ARMCX4: variants seen among roughly 807,000 people sequenced by gnomAD.
ARMCX4 encodes armadillo repeat containing X-linked 4, also known as armadillo repeat-containing X-linked protein 4.
ARMCX4 carries 3 observed loss-of-function variants against 34.7 expected under a neutral mutation model. That is an observed-to-expected ratio of 0.09 (90% CI 0.04 to 0.22). The LOEUF is 0.22. ARMCX4 is among the 10% of genes least tolerant of loss of function. The pLI is 1.00. For synonymous variants in ARMCX4, 513 were observed against 632.8 expected (o/e 0.81, Z 2.84); for missense variants, 1,448 against 1,720.8 (o/e 0.84, Z 2.81).
At chrX:101,485,374 G>C (rs1375585045), upstream of ARMCX4, 2 of 185,219 alleles carry the variant, frequency 1.1e-5, no homozygotes, top group Non-Finnish European at 1.7e-5. Flanking sequence ...GGGGTGCTGG[G>C]GAGGAGGGCG....
intron 2 of ARMCX4, among the ~76,000 whole-genome samples, chrX:101,443,307 A>G (rs1469426269): frequency 9.1e-6 from 1 of 110,492 alleles, no homozygotes; most frequent in Non-Finnish European, 1.9e-5. Flanking sequence ...TGTCCCTTCC[A>G]TCATGTGAAG....
intron 4 of ARMCX4, among the ~76,000 whole-genome samples, chrX:101,473,565 TCTC>T (rs1242309124): frequency 4.6e-5 from 5 of 108,884 alleles, no homozygotes; most frequent in African/African-American, 1.7e-4. Context: ...GAAGTAAAGC[TCTC>T]CTCAGCAAAT....
chrX:101,470,127 C>T, intron 4 of ARMCX4, among the ~76,000 whole-genome samples: 1 of 111,965 alleles, frequency 8.9e-6, no homozygotes, highest in Non-Finnish European at 1.9e-5. Context: ...CAAGAACTCT[C>T]CTGGGCTAAG....
intron 2 of ARMCX4, among the ~76,000 whole-genome samples, chrX:101,427,514 A>G (rs1929702611): frequency 9.0e-6 from 1 of 110,709 alleles, no homozygotes; most frequent in Non-Finnish European, 1.9e-5. Flanking sequence ...CGTAGCTGGG[A>G]CTACAGGTGC....
chrX:101,446,422 A>G (rs1931635060), downstream of ARMCX4, among the ~76,000 whole-genome samples: 1 of 111,766 alleles, frequency 8.9e-6, no homozygotes, highest in African/African-American at 3.3e-5. Flanking sequence ...GGGGCATAAA[A>G]TGGCAACTTC....
At chrX:101,454,761 A>G (rs1446559501) in intron 4 of ARMCX4, among the ~76,000 whole-genome samples, 3 of 111,668 alleles carry the variant, frequency 2.7e-5, no homozygotes, top group Admixed American at 1.9e-4. Flanking sequence ...ACAAAGTACT[A>G]TAGACTGGAT....
chrX:101,512,759 C>CAT (rs1556016623), intron 11 of ARMCX4, among the ~76,000 whole-genome samples: 2 of 104,389 alleles, frequency 1.9e-5, no homozygotes, highest in Non-Finnish European at 3.9e-5. Flanking sequence ...TGTATACATA[C>CAT]ATATATATAC....
chrX:101,455,687 G>T (rs1240583158), intron 4 of ARMCX4, among the ~76,000 whole-genome samples: 1 of 110,969 alleles, frequency 9.0e-6, no homozygotes, highest in South Asian at 3.8e-4. Flanking sequence ...TTTTAGTTTC[G>T]GGGGTACATG....
At chrX:101,478,489 G>A (rs1794399868) in intron 4 of ARMCX4, among the ~76,000 whole-genome samples, 1 of 111,771 alleles carries the variant, frequency 8.9e-6, no homozygotes, top group African/African-American at 3.2e-5. Flanking sequence ...ACCAAAGAAA[G>A]GGGCACATTC....
In ARMCX4 at chrX:101,494,868, T is replaced by C. The variant is rs1556011420; in HGVS notation, c.6279T>C (p.Asn2093=). 1.7e-6 allele frequency: 2 copies of C among 1,155,929 alleles called. No individual in the cohort carries two copies. Among genetic ancestry groups the C allele is most frequent in the African/African-American group, 3.5e-5 (2 of 56,383 alleles). ...GGISVIESLL[N]NPYPSVRQKA... Reference sequence around the variant, plus strand: ...TTTCAGTTATTGAAAGCTTGCTCAATAATCCCTACCCCAGTGTTAGGCAGA... The same window carrying C: ...TTTCAGTTATTGAAAGCTTGCTCAACAATCCCTACCCCAGTGTTAGGCAGA... The change falls in exon 6 of 6, where the codon AAT becomes AAC. Residue 2093 remains asparagine, a synonymous_variant. Coordinates refer to ENST00000423738, the MANE Select transcript of ARMCX4 (RefSeq NM_001256155.3).
At position 101,490,184 on chromosome X, in the gene ARMCX4, C is replaced by A. The variant is rs1008637966; in HGVS notation, c.1595C>A (p.Ala532Asp). 17 of 1,154,173 alleles carry A rather than the reference C, an allele frequency of 1.5e-5. No individual in the cohort carries two copies. Among genetic ancestry groups the A allele is most frequent in the Non-Finnish European group, 1.8e-5 (16 of 872,559 alleles). The change falls in exon 6 of 6, where the codon GCC (alanine) becomes GAC (aspartate). Residue 532 changes from alanine to aspartate, a missense_variant. Physicochemically the swap from Ala to Asp is moderately radical, Grantham distance 126 (BLOSUM62 -2). Transcript: ENST00000423738. Reference protein sequence around the residue: ...PNTRGKARGKAKAKCKTGPGM... With the variant: ...PNTRGKARGKDKAKCKTGPGM... Reference sequence around the variant, plus strand: ...ACTAGAGGTAAGGCTAGGGGCAAAGCCAAAGCCAAGTGTAAGACAGGGCCT... The same window carrying A: ...ACTAGAGGTAAGGCTAGGGGCAAAGACAAAGCCAAGTGTAAGACAGGGCCT...
At chrX:101,457,743 C>A (rs781836662) in intron 4 of ARMCX4, among the ~76,000 whole-genome samples, 2 of 110,180 alleles carry the variant, frequency 1.8e-5, no homozygotes, top group South Asian at 7.9e-4. Context: ...AACAAAACCC[C>A]CCAAACCCCC....
At chrX:101,433,039 TAC>T (rs782298108) in intron 2 of ARMCX4, among the ~76,000 whole-genome samples, 13 of 73,895 alleles carry the variant, frequency 1.8e-4, no homozygotes, top group South Asian at 5.0e-4. Flanking sequence ...CACGTGTATA[TAC>T]ACACATATGT....
At chrX:101,427,145 T>A (rs1555991141) in intron 2 of ARMCX4, among the ~76,000 whole-genome samples, 1 of 111,988 alleles carries the variant, frequency 8.9e-6, no homozygotes, top group Admixed American at 9.5e-5. Context: ...AGTTAACATC[T>A]CTAAAATAAA....
chrX:101,515,343 T>TTTCC (rs1556017372), intron 11 of ARMCX4, among the ~76,000 whole-genome samples: 42 of 17,004 alleles, frequency 2.5e-3, no homozygotes, highest in Non-Finnish European at 3.7e-3. Context: ...TTTCCTTTCC[T>TTTCC]TTTCTTTCTT....
chrX:101,432,701 CAT>C (rs1393804536), intron 2 of ARMCX4, among the ~76,000 whole-genome samples: 1 of 105,654 alleles, frequency 9.5e-6, no homozygotes, highest in Non-Finnish European at 1.9e-5. Flanking sequence ...TATATATACA[CAT>C]ATATATGTAT....
chrX:101,498,322 A>G (rs73250691), downstream of ARMCX4: 8,407 of 273,950 alleles, frequency 0.031, 121 homozygotes, highest in Non-Finnish European at 0.041. Flanking sequence ...TGAAGACTCC[A>G]TCATTGGTGG....
At chrX:101,518,501 G>A (rs1425097674) in intron 11 of ARMCX4, among the ~76,000 whole-genome samples, 1 of 111,064 alleles carries the variant, frequency 9.0e-6, no homozygotes, top group Non-Finnish European at 1.9e-5. Flanking sequence ...GGAAAAATTT[G>A]TCAGAAAAGA....
At chrX:101,504,302 A>G (rs1190620490) in intron 7 of ARMCX4, among the ~76,000 whole-genome samples, 1 of 111,623 alleles carries the variant, frequency 9.0e-6, no homozygotes, top group East Asian at 2.8e-4. Flanking sequence ...ACTTTAAAGT[A>G]GTTTTTCCCA....
Sources: gnomAD v4.1 joint callset for allele counts (sites outside exome capture counted in the v4.1 genomes callset) on GRCh38, gnomAD v4.1.1 for gene constraint, MANE v1.5 for transcripts, NCBI Gene and HGNC (gene_info 2026-07-23, HGNC 2026-07-21) for gene names.